TMEM131: variants seen among roughly 807,000 people sequenced by gnomAD.
TMEM131 encodes the protein 2610524E03Rik.
TMEM131 carries 66 observed loss-of-function variants against 211.6 expected under a neutral mutation model. The ratio of observed to expected loss-of-function variants is 0.31; its 90% confidence interval spans 0.26 to 0.38. The LOEUF is 0.38. Among genes scored for constraint, TMEM131 ranks in the 10% least tolerant of loss-of-function variants. TMEM131 has a pLI of 1.00. For synonymous variants in TMEM131, 844 were observed against 841.3 expected, an observed-to-expected ratio of 1.00 and a Z score of -0.06; for missense variants, 2,036 against 2,299.3, an observed-to-expected ratio of 0.89 and a Z score of 2.34.
chr2:97,925,803 G>A (rs1459322950), intron 2 of TMEM131, among the ~76,000 whole-genome samples: 3 of 151,958 alleles, frequency 2.0e-5, no homozygotes, highest in African/African-American at 7.2e-5. Flanking sequence ...GTTGATTTTT[G>A]AGGATTAAAA....
chr2:97,847,090 G>A (rs1355253868), intron 5 of TMEM131, among the ~76,000 whole-genome samples: 2 of 127,052 alleles, frequency 1.6e-5, no homozygotes, highest in African/African-American at 2.8e-5. Flanking sequence ...GGGGGGGGCC[G>A]AGGCAGGAGA....
rs1678728364 is a variant in TMEM131, at chr2:97,759,896, C to A, written c.5109-147G>T. On this transcript the variant is annotated intron_variant, in intron 38 of 40. Coordinates refer to ENST00000186436, the MANE Select transcript of TMEM131 (RefSeq NM_015348.2). ...AAAACAGACAAAAGGAAGAGCTGAA[C>A]AATGGCTGCTTACCACAAGGGTTGA... The A allele has an allele frequency of 9.3e-6, 6 of 648,210 alleles. 1 individual carries two copies. The South Asian group carries it at 1.1e-4, about 12-fold the overall frequency. 40.2% of individuals were successfully genotyped at this position (648,210 alleles called of 1,614,324 possible).
chr2:97,806,209 C>G (rs1322745080), intron 19 of TMEM131, among the ~76,000 whole-genome samples: 1 of 152,178 alleles, frequency 6.6e-6, no homozygotes, highest in Non-Finnish European at 1.5e-5. Context: ...AATTACACAT[C>G]TTTTGAAATT....
At chr2:97,943,990 G>A (rs1192212950) in intron 1 of TMEM131, among the ~76,000 whole-genome samples, 3 of 152,130 alleles carry the variant, frequency 2.0e-5, no homozygotes, top group East Asian at 1.9e-4. Flanking sequence ...GCTGAGGCAG[G>A]AGAATTGCTT....
chr2:97,861,653 G>A (rs1161933877), intron 4 of TMEM131, among the ~76,000 whole-genome samples: 1 of 151,892 alleles, frequency 6.6e-6, no homozygotes, highest in African/African-American at 2.4e-5. Context: ...GGGGAGGGAA[G>A]AGTGGGTAGG....
intron 1 of TMEM131, among the ~76,000 whole-genome samples, chr2:97,959,923 G>A (rs1392678846): frequency 1.3e-5 from 2 of 152,018 alleles, no homozygotes; most frequent in African/African-American, 4.8e-5. Context: ...GGAGAATCAA[G>A]ACCTAGTGTT....
chr2:97,847,069 C>T (rs1456392968), intron 5 of TMEM131, among the ~76,000 whole-genome samples: 1 of 3,472 alleles, frequency 2.9e-4, no homozygotes, highest in African/African-American at 1.0e-3. Flanking sequence ...GTCCCAGCTA[C>T]TGGGGGGGGG....
intron 4 of TMEM131, among the ~76,000 whole-genome samples, chr2:97,873,309 C>T (rs1674566129): frequency 6.6e-6 from 1 of 152,256 alleles, no homozygotes; most frequent in African/African-American, 2.4e-5. Flanking sequence ...AAAGGGGCAG[C>T]TGTGGCCGAA....
intron 39 of TMEM131, 136 bp downstream of exon 39, chr2:97,759,516 C>T: frequency 1.4e-6 from 1 of 724,652 alleles, no homozygotes; most frequent in Non-Finnish European, 2.3e-6. Flanking sequence ...GGGGAGGGGA[C>T]CCTTCCCAGG....
chr2:97,971,481 G>C (rs778598308), intron 1 of TMEM131, among the ~76,000 whole-genome samples: 2 of 152,326 alleles, frequency 1.3e-5, no homozygotes, highest in Admixed American at 6.5e-5. Flanking sequence ...TCCCAAGCTT[G>C]AAAGTTTCTA....
At chr2:97,815,767 C>A (rs1200161444) in intron 12 of TMEM131, among the ~76,000 whole-genome samples, 13 of 152,188 alleles carry the variant, frequency 8.5e-5, no homozygotes, top group Non-Finnish European at 1.9e-4. Flanking sequence ...AAATGCCTCT[C>A]TGCATTGCCA....
chr2:97,863,004 T>C (rs1674129364), intron 4 of TMEM131, among the ~76,000 whole-genome samples: 1 of 151,838 alleles, frequency 6.6e-6, no homozygotes, highest in Admixed American at 6.5e-5. Flanking sequence ...GAAACAGAAT[T>C]AGGTACAATG....
chr2:97,964,952 G>C (rs970860668), intron 1 of TMEM131, among the ~76,000 whole-genome samples: 16 of 152,158 alleles, frequency 1.1e-4, no homozygotes, highest in Admixed American at 1.0e-3. Context: ...GGTGCCAGAT[G>C]AGTTGGTCTC....
intron 24 of TMEM131, 107 bp downstream of exon 24, chr2:97,802,321 C>T (rs1681071606): frequency 2.3e-6 from 2 of 873,440 alleles, no homozygotes; most frequent in Admixed American, 3.2e-5. Flanking sequence ...CAGAACTTCT[C>T]GTCAAATCTA....
intron 11 of TMEM131, among the ~76,000 whole-genome samples, chr2:97,832,651 C>T (rs1472808991): frequency 6.6e-6 from 1 of 152,210 alleles, no homozygotes; most frequent in African/African-American, 2.4e-5. Context: ...AAGTTTCTGG[C>T]ATCAGCACAA....
intron 1 of TMEM131, among the ~76,000 whole-genome samples, chr2:97,971,747 A>G (rs1679304124): frequency 6.6e-6 from 1 of 152,214 alleles, no homozygotes; most frequent in African/African-American, 2.4e-5. Context: ...CTATAGTCCC[A>G]GCTACTCAGG....
intron 1 of TMEM131, among the ~76,000 whole-genome samples, chr2:97,937,501 T>C (rs144117872): frequency 5.9e-5 from 9 of 152,294 alleles, no homozygotes; most frequent in East Asian, 1.9e-4. Context: ...TAGGTGACAT[T>C]AGTCCAAACT....
At chr2:97,847,299 T>G (rs1014530917) in intron 5 of TMEM131, among the ~76,000 whole-genome samples, 1 of 152,158 alleles carries the variant, frequency 6.6e-6, no homozygotes, top group Non-Finnish European at 1.5e-5. Flanking sequence ...GAAAAATCCC[T>G]AAAAATATCT....
At chr2:97,780,768 CG>C (rs948539096) in intron 31 of TMEM131, among the ~76,000 whole-genome samples, 59 of 152,094 alleles carry the variant, frequency 3.9e-4, no homozygotes, top group African/African-American at 1.4e-3. Context: ...CCCAGCTGTA[CG>C]GGAACCACAA....
Sources: allele counts gnomAD v4.1 joint callset (sites outside exome capture counted in the v4.1 genomes callset), GRCh38; gene constraint gnomAD v4.1.1; transcripts MANE v1.5; gene names NCBI Gene and HGNC (gene_info 2026-07-23, HGNC 2026-07-21).